The following PDE3B variants were observed in gnomAD, a reference collection of about 807,000 sequenced individuals.
PDE3B encodes the protein cGMP-inhibited 3',5'-cyclic phosphodiesterase 3B.
In PDE3B, 66 loss-of-function variants were observed where a neutral mutation model predicts 116.8. The ratio of observed to expected loss-of-function variants is 0.56; its 90% CI spans 0.46 to 0.69. The LOEUF (loss-of-function observed/expected upper bound fraction) is 0.69. PDE3B is among the 30% of genes least tolerant of loss of function. The probability of loss-of-function intolerance (pLI) is 0.00; values close to 1 mark genes in which losing one functional copy is unlikely to be tolerated. For synonymous variants in PDE3B, 595 were observed against 533.6 expected, an observed-to-expected ratio of 1.12 and a Z score of -1.59; for missense variants, 1,384 against 1,368.1, an observed-to-expected ratio of 1.01 and a Z score of -0.18.
At chr11:14,680,890 G>T (rs565218097) in intron 1 of PDE3B, among the ~76,000 whole-genome samples, 2 of 151,366 alleles carry the variant, frequency 1.3e-5, no homozygotes, top group African/African-American at 4.8e-5. Flanking sequence ...TCAGTGTTTC[G>T]TAATTTTTAG....
intron 1 of PDE3B, among the ~76,000 whole-genome samples, chr11:14,745,446 C>T (rs545659429): frequency 6.6e-6 from 1 of 151,674 alleles, no homozygotes; most frequent in South Asian, 2.1e-4. Flanking sequence ...TTTTTAACCA[C>T]GTACTTTTCT....
intron 1 of PDE3B, among the ~76,000 whole-genome samples, chr11:14,692,736 C>A (rs1039529714): frequency 2.6e-5 from 4 of 152,102 alleles, no homozygotes; most frequent in Admixed American, 1.3e-4. Flanking sequence ...CTATCTTTCT[C>A]CCCTGTCCTT....
At chr11:14,789,274 A>C in intron 4 of PDE3B, 32 bp downstream of exon 4, 1 of 1,535,952 alleles carries the variant, frequency 6.5e-7, no homozygotes, top group Non-Finnish European at 8.9e-7. Flanking sequence ...AAGAAACTTG[A>C]ATCAAATGCA....
Position 14,786,518 on chromosome 11 carries a change from A to G in PDE3B, c.1111A>G (p.Ser371Gly), listed in dbSNP as rs747730736. ...NMVSDLLTDP[S>G]LPPQVISSLR... ...GGTGTCAGATCTTCTGACTGATCCA[A>G]GCCTTCCACCACAAGTCATTTCCTC... Residue 371 changes from serine (S) to glycine (G), a missense_variant, in exon 3 of 16, where the codon AGC (serine) becomes GGC (glycine). Physicochemically the swap from Ser to Gly is moderately conservative, Grantham distance 56. Coordinates refer to ENST00000282096, the MANE Select transcript of PDE3B (RefSeq NM_000922.4). 2.5e-6 allele frequency: 4 copies of G among 1,613,122 alleles called. No individual in the cohort carries two copies. Among genetic ancestry groups the G allele is most frequent in the Non-Finnish European group, 3.4e-6 (4 of 1,179,264 alleles).
At chr11:14,866,446 C>T (rs559460439) in intron 14 of PDE3B, among the ~76,000 whole-genome samples, 1 of 152,292 alleles carries the variant, frequency 6.6e-6, no homozygotes, top group East Asian at 1.9e-4. Context: ...TAGATGCCTA[C>T]AGCCATTTAA....
intron 12 of PDE3B, among the ~76,000 whole-genome samples, chr11:14,851,805 G>T (rs1847759587): frequency 6.6e-6 from 1 of 152,036 alleles, no homozygotes; most frequent in African/African-American, 2.4e-5. Context: ...ATAGACCTGA[G>T]GATTAATGGC....
At chr11:14,794,503 GGGGTTTCACCATGTTGGCCAGGCT>G (rs1265764261) in intron 4 of PDE3B, among the ~76,000 whole-genome samples, 1 of 151,814 alleles carries the variant, frequency 6.6e-6, no homozygotes, top group African/African-American at 2.4e-5. Context: ...TAGTAGAGAC[GGGGTTTCACCATGTTGGCCAGGCT>G]GGTCTCGAAC....
At chr11:14,667,666 C>CATG (rs1261617957) in intron 1 of PDE3B, among the ~76,000 whole-genome samples, 1 of 144,300 alleles carries the variant, frequency 6.9e-6, no homozygotes, top group Non-Finnish European at 1.5e-5. Flanking sequence ...GGAAGGGGAA[C>CATG]ATGACACAAC....
chr11:14,739,994 A>G (rs990660623), intron 1 of PDE3B, among the ~76,000 whole-genome samples: 2 of 152,026 alleles, frequency 1.3e-5, no homozygotes, highest in Admixed American at 1.3e-4. Context: ...GTCCTGCTGG[A>G]TTCGGTTTGC....
chr11:14,886,196 G>T, the PDE3B span: 8 of 424,768 alleles, frequency 1.9e-5, no homozygotes, highest in Non-Finnish European at 3.0e-5. Context: ...CTAGTTTAAG[G>T]TTTGCCATTA....
chr11:14,740,006 A>G (rs1856717023), intron 1 of PDE3B, among the ~76,000 whole-genome samples: 1 of 152,178 alleles, frequency 6.6e-6, no homozygotes, highest in African/African-American at 2.4e-5. Flanking sequence ...TCGGTTTGCC[A>G]GTATTTTATT....
intron 12 of PDE3B, among the ~76,000 whole-genome samples, chr11:14,856,944 A>G (rs984718009): frequency 2.6e-5 from 4 of 151,970 alleles, no homozygotes; most frequent in African/African-American, 9.7e-5. Flanking sequence ...TTATGTTTTA[A>G]AAGGGGACAT....
intron 1 of PDE3B, among the ~76,000 whole-genome samples, chr11:14,718,440 C>G (rs899980312): frequency 3.1e-4 from 45 of 147,440 alleles, no homozygotes; most frequent in East Asian, 6.0e-4. Flanking sequence ...ATCTACAGAA[C>G]TCTCCACCCC....
intron 1 of PDE3B, among the ~76,000 whole-genome samples, chr11:14,662,607 G>A (rs1486500577): frequency 1.3e-5 from 2 of 152,168 alleles, no homozygotes; most frequent in Non-Finnish European, 2.9e-5. Flanking sequence ...ACAGAGAAGT[G>A]CTTAAAGGAG....
chr11:14,732,577 G>C (rs565969724), intron 1 of PDE3B, among the ~76,000 whole-genome samples: 148 of 152,228 alleles, frequency 9.7e-4, no homozygotes, highest in African/African-American at 3.5e-3. Flanking sequence ...AAATAGAAGT[G>C]TTCAAGATAA....
Position 14,661,352 on chromosome 11 carries a change from C to T in PDE3B, c.978+16299C>T, listed in dbSNP as rs559223165. On this transcript the variant is annotated intron_variant, in intron 1 of 15. Coordinates refer to ENST00000282096, the MANE Select transcript of PDE3B (RefSeq NM_000922.4). ...TCGAGATGGCCGAATAGGAACAGCT[C>T]CGGTCTACAGCTTCCAGCGTGAGCG... Among the ~76,000 whole-genome samples the T allele has an allele frequency of 7.9e-5, 12 of 152,318 alleles. No homozygotes were observed. In the East Asian group the frequency reaches 2.3e-3, roughly 29 times the overall value.
In PDE3B at chr11:14,818,205, T is replaced by C. The variant is rs1859391362; in HGVS notation, c.1545T>C (p.Pro515=). The C allele has an allele frequency of 6.2e-7, 1 of 1,612,662 alleles. No individual in the cohort carries two copies. The highest frequency in any genetic ancestry group is 8.5e-7 in the Non-Finnish European group (1 of 1,178,768). The change falls in exon 6 of 16, where the codon CCT becomes CCC. Residue 515 remains proline (P), a synonymous_variant. Coordinates refer to ENST00000282096, the MANE Select transcript of PDE3B (RefSeq NM_000922.4). ...RRAGVLSSLS[P]VNSSNHGPVS... ...AAGGTGTTTTGTCCAGTCTGAGTCC[T>C]GTGAATTCTTCCAACCATGGACCAG...
chr11:14,790,093 C>T (rs1016742434), intron 4 of PDE3B, among the ~76,000 whole-genome samples: 2 of 151,934 alleles, frequency 1.3e-5, no homozygotes, highest in African/African-American at 2.4e-5. Flanking sequence ...AGGATTGGAT[C>T]ATAGCTATTT....
the PDE3B span, among the ~76,000 whole-genome samples, chr11:14,878,720 A>G: frequency 2.0e-5 from 3 of 152,100 alleles, no homozygotes; most frequent in Non-Finnish European, 4.4e-5. Flanking sequence ...AGAAGAAGCA[A>G]TATTTTCCTA....
Sources: allele counts gnomAD v4.1 joint callset (sites outside exome capture counted in the v4.1 genomes callset), GRCh38; gene constraint gnomAD v4.1.1; transcripts MANE v1.5; gene names NCBI Gene and HGNC (gene_info 2026-07-23, HGNC 2026-07-21).